The following ZNF407 variants were observed in gnomAD, a reference collection of about 807,000 sequenced individuals.
ZNF407 encodes the protein zinc finger protein 407.
In ZNF407, 17 loss-of-function variants were observed where a neutral mutation model predicts 131.2. The observed-to-expected ratio is 0.13, with a 90% CI of 0.09 to 0.19. The LOEUF (loss-of-function observed/expected upper bound fraction) is 0.19, where lower values mean the gene tolerates loss of function less well. Ranked by LOEUF, ZNF407 falls within the 10% of genes least tolerant of loss-of-function variation. The pLI, the probability that ZNF407 is intolerant of heterozygous loss-of-function variation, is 1.00. For missense variants in ZNF407, 2,681 were observed against 2,830.6 expected (o/e 0.95, Z 1.20); for synonymous variants, 1,156 against 1,062.0 (o/e 1.09, Z -1.72).
chr18:74,898,809 AT>A (rs1230423246), intron 7 of ZNF407, among the ~76,000 whole-genome samples: 1 of 152,178 alleles, frequency 6.6e-6, no homozygotes, highest in Non-Finnish European at 1.5e-5. Flanking sequence ...ACTTTTTTCC[AT>A]TGAGAGAAAA....
intron 3 of ZNF407, among the ~76,000 whole-genome samples, chr18:74,762,684 A>G (rs1232595600): frequency 6.6e-6 from 1 of 151,120 alleles, no homozygotes; most frequent in Non-Finnish European, 1.5e-5. Context: ...TATAGTTTGG[A>G]ATTTTTCTTG....
At chr18:75,056,305 G>A (rs767964571) in intron 8 of ZNF407, among the ~76,000 whole-genome samples, 7 of 152,148 alleles carry the variant, frequency 4.6e-5, no homozygotes, top group Admixed American at 6.5e-5. Context: ...TTTTAGTAAC[G>A]CTGACCAGAA....
intron 1 of ZNF407, among the ~76,000 whole-genome samples, chr18:74,608,481 G>A (rs1052224324): frequency 4.6e-5 from 7 of 151,940 alleles, no homozygotes; most frequent in Admixed American, 2.0e-4. Flanking sequence ...TGAGTTGCTG[G>A]GATTACAGGA....
At chr18:74,711,342 C>A (rs1217013843) in intron 3 of ZNF407, among the ~76,000 whole-genome samples, 1 of 152,126 alleles carries the variant, frequency 6.6e-6, no homozygotes, top group Non-Finnish European at 1.5e-5. Flanking sequence ...GGCCAGTCAG[C>A]TGACCTTAAA....
chr18:74,716,975 G>C (rs1967909384), intron 3 of ZNF407, among the ~76,000 whole-genome samples: 1 of 152,290 alleles, frequency 6.6e-6, no homozygotes, highest in African/African-American at 2.4e-5. Flanking sequence ...TGTGTACCAT[G>C]TGTAATGTGT....
At chr18:74,906,485 T>C (rs1003160731) in intron 7 of ZNF407, among the ~76,000 whole-genome samples, 7 of 152,244 alleles carry the variant, frequency 4.6e-5, no homozygotes, top group African/African-American at 1.7e-4. Context: ...GTTTTTCAAA[T>C]AGATGTTTGG....
At chr18:74,736,545 A>AT (rs1488551480) in intron 3 of ZNF407, among the ~76,000 whole-genome samples, 12 of 152,026 alleles carry the variant, frequency 7.9e-5, no homozygotes, top group Admixed American at 4.6e-4. Context: ...CACTTCATTA[A>AT]TTTTTTCCCT....
chr18:75,052,879 G>T (rs181779549), intron 8 of ZNF407, among the ~76,000 whole-genome samples: 231 of 152,272 alleles, frequency 1.5e-3, no homozygotes, highest in Non-Finnish European at 2.1e-3. Context: ...GACCCATACC[G>T]CATGCTTGTT....
At chr18:74,995,202 G>A (rs531926422) in intron 8 of ZNF407, among the ~76,000 whole-genome samples, 15 of 152,236 alleles carry the variant, frequency 9.9e-5, no homozygotes, top group African/African-American at 2.7e-4. Flanking sequence ...GACTGCAGGG[G>A]CAAGTGTGAA....
chr18:75,029,788 T>G (rs1200511273), intron 8 of ZNF407, among the ~76,000 whole-genome samples: 1 of 152,226 alleles, frequency 6.6e-6, no homozygotes, highest in Non-Finnish European at 1.5e-5. Flanking sequence ...GTGAGTACAG[T>G]GAACGGATGT....
Position 74,835,629 on chromosome 18 carries a change from G to GGTGTGTGTGTTT in ZNF407, c.4878-41558_4878-41557insTTGTGTGTGTGT, listed in dbSNP as rs1555693409. ...TGAGTTTGTGTCTTGGACAGAGGGG[G>GGTGTGTGTGTTT]GTGTGTGTGTGTGTGTGTGTGTGTG... On this transcript the variant is annotated intron_variant, in intron 4 of 8. Transcript: ENST00000299687. 3.2e-3 allele frequency among the ~76,000 whole-genome samples: 291 copies of GGTGTGTGTGTTT among 92,198 alleles called. 1 individual carries two copies. Among genetic ancestry groups the GGTGTGTGTGTTT allele is most frequent in the South Asian group, 8.7e-3 (22 of 2,520 alleles). The allele number at this position is 92,198 out of a possible 152,430, so 60.5% of individuals were successfully genotyped here. A position where few individuals can be genotyped will look rare whatever the true frequency, so the allele number is the denominator to read the frequency against.
At chr18:74,814,279 G>A (rs767600220) in intron 4 of ZNF407, among the ~76,000 whole-genome samples, 2 of 151,882 alleles carry the variant, frequency 1.3e-5, no homozygotes, top group South Asian at 4.2e-4. Context: ...GACTACAGGC[G>A]TGCACCACCA....
At chr18:74,879,494 G>A (rs1328752733) in intron 5 of ZNF407, among the ~76,000 whole-genome samples, 1 of 151,344 alleles carries the variant, frequency 6.6e-6, no homozygotes, top group East Asian at 1.9e-4. Flanking sequence ...TTGTCTTGTG[G>A]GATTAAAAAA....
At chr18:74,841,278 A>T (rs750534282) in intron 4 of ZNF407, among the ~76,000 whole-genome samples, 2 of 152,196 alleles carry the variant, frequency 1.3e-5, no homozygotes, top group Non-Finnish European at 2.9e-5. Context: ...GCTTTTCACC[A>T]TAGGAATGAG....
intron 3 of ZNF407, among the ~76,000 whole-genome samples, chr18:74,660,058 A>C (rs1304519908): frequency 6.6e-6 from 1 of 152,168 alleles, no homozygotes; most frequent in Admixed American, 6.5e-5. Context: ...AATCATACAA[A>C]TATGGAAATA....
At chr18:74,823,685 A>C (rs1970372202) in intron 4 of ZNF407, among the ~76,000 whole-genome samples, 1 of 152,236 alleles carries the variant, frequency 6.6e-6, no homozygotes, top group South Asian at 2.1e-4. Flanking sequence ...GTATGCACCC[A>C]ATACGGGAAC....
intron 3 of ZNF407, among the ~76,000 whole-genome samples, chr18:74,656,064 T>A (rs986512335): frequency 2.0e-5 from 3 of 152,164 alleles, no homozygotes; most frequent in Non-Finnish European, 4.4e-5. Flanking sequence ...ATTACTTTTG[T>A]ATTTTTTATT....
In ZNF407 at chr18:75,063,542, G is replaced by A. The variant is rs1973666698; in HGVS notation, c.5821G>A (p.Val1941Met). ...GCAGCTGGCTGATGGAGCCACCCAG[G>A]TGGTCGTCGTGGGGGGCTCCATGGA... ...PEQLADGATQ[V>M]VVVGGSMEGH... Residue 1941 changes from valine to methionine, a missense_variant, in exon 9 of 9, where the codon GTG (valine) becomes ATG (methionine). This residue lies in a region of ZNF407 where 620 missense variants were observed against 583.1 expected (regional missense o/e 1.06). Transcript: ENST00000299687. This position sits in a 1 kb window ranked among gnomAD's most constrained non-coding sequence, Gnocchi z 6.6. 6.4e-7 allele frequency: 1 copy of A among 1,568,538 alleles called. No homozygotes were observed. The highest frequency in any genetic ancestry group is 1.4e-5 in the African/African-American group (1 of 73,944).
chr18:74,897,318 GT>G (rs1332050195), intron 7 of ZNF407, among the ~76,000 whole-genome samples: 2 of 152,196 alleles, frequency 1.3e-5, no homozygotes, highest in Admixed American at 1.3e-4. Context: ...TTGTTGATCA[GT>G]TACAAATAAG....
Sources: allele counts gnomAD v4.1 joint callset (sites outside exome capture counted in the v4.1 genomes callset), GRCh38; gene constraint gnomAD v4.1.1; regional missense constraint gnomAD v4.1.1; non-coding constraint Gnocchi (gnomAD v3.1); transcripts MANE v1.5; gene names NCBI Gene and HGNC (gene_info 2026-07-23, HGNC 2026-07-21).